Variants in WDR89 observed in about 807,000 individuals in gnomAD.
WDR89 encodes WD repeat domain 89, also known as WD repeat-containing protein 89.
A neutral mutation model predicts 29.1 loss-of-function variants in WDR89; 17 were observed. The ratio of observed to expected loss-of-function variants is 0.58; its 90% CI spans 0.40 to 0.88. The LOEUF (loss-of-function observed/expected upper bound fraction) is 0.88, where lower values mean the gene tolerates loss of function less well. WDR89 is among the 40% of genes least tolerant of loss of function. The pLI, the probability that WDR89 is intolerant of heterozygous loss-of-function variation, is 0.00. For synonymous variants in WDR89, 138 were observed against 157.8 expected (o/e 0.87, Z 0.94); for missense variants, 396 against 456.3 (o/e 0.87, Z 1.20).
chr14:63,637,198 G>A (rs921486866), intron 1 of WDR89, among the ~76,000 whole-genome samples: 2 of 152,074 alleles, frequency 1.3e-5, no homozygotes, highest in African/African-American at 2.4e-5. Flanking sequence ...AATGCAAATC[G>A]AAACCACAAT....
chr14:63,623,929 T>A (rs966185009), intron 2 of WDR89, among the ~76,000 whole-genome samples: 3 of 151,800 alleles, frequency 2.0e-5, no homozygotes, highest in Admixed American at 6.6e-5. Context: ...ATGCAAATAT[T>A]AATAAAAAGA....
At chr14:63,625,223 T>C (rs1002010788) in intron 1 of WDR89, among the ~76,000 whole-genome samples, 190 bp from the exon 2 acceptor site, 2 of 152,226 alleles carry the variant, frequency 1.3e-5, no homozygotes, top group African/African-American at 4.8e-5. Context: ...ATATATTGTA[T>C]GATTCCATTT....
intron 2 of WDR89, among the ~76,000 whole-genome samples, chr14:63,602,460 C>T (rs1197368026): frequency 7.0e-5 from 6 of 86,056 alleles, no homozygotes; most frequent in Admixed American, 1.4e-4. Flanking sequence ...GAGATTCCTA[C>T]TCAAAAAAAA....
chr14:63,617,814 C>T (rs1882415683), intron 2 of WDR89, among the ~76,000 whole-genome samples: 1 of 152,100 alleles, frequency 6.6e-6, no homozygotes, highest in South Asian at 2.1e-4. Flanking sequence ...AAAAAACATG[C>T]AACTGGTACA....
chr14:63,620,484 T>C (rs929065574), intron 2 of WDR89, among the ~76,000 whole-genome samples: 1 of 152,020 alleles, frequency 6.6e-6, no homozygotes, highest in Non-Finnish European at 1.5e-5. Flanking sequence ...ATCAGGGAGA[T>C]GTCGATCAAA....
intron 1 of WDR89, among the ~76,000 whole-genome samples, chr14:63,627,351 AAC>A (rs371625648): frequency 7.0e-4 from 106 of 152,326 alleles, no homozygotes; most frequent in African/African-American, 2.4e-3. Flanking sequence ...AAAAAAACCT[AAC>A]AGCCTGAATA....
At chr14:63,640,658 G>C (rs374359645) in intron 1 of WDR89, among the ~76,000 whole-genome samples, 20 of 151,676 alleles carry the variant, frequency 1.3e-4, no homozygotes, top group African/African-American at 3.1e-4. Flanking sequence ...TGCATTCGTA[G>C]TAGAGACGGG....
chr14:63,625,924 G>A (rs997534601), intron 1 of WDR89, among the ~76,000 whole-genome samples: 9 of 150,958 alleles, frequency 6.0e-5, no homozygotes, highest in African/African-American at 2.4e-5. Context: ...CGTGATCTCA[G>A]CTCACTGCAA....
chr14:63,614,396 C>T (rs1232267982), intron 2 of WDR89, among the ~76,000 whole-genome samples: 3 of 151,678 alleles, frequency 2.0e-5, no homozygotes, highest in Non-Finnish European at 4.4e-5. Flanking sequence ...CAGCCTTGAC[C>T]TCCCTGGCTC....
intron 2 of WDR89, among the ~76,000 whole-genome samples, chr14:63,602,141 G>A (rs1895092586): frequency 6.6e-6 from 1 of 152,148 alleles, no homozygotes; most frequent in Non-Finnish European, 1.5e-5. Flanking sequence ...TGCATGCCAT[G>A]TGTTCTGCAC....
intron 1 of WDR89, among the ~76,000 whole-genome samples, chr14:63,636,310 G>T (rs900860282): frequency 3.3e-5 from 5 of 152,218 alleles, no homozygotes; most frequent in African/African-American, 1.2e-4. Context: ...TGGACGGGTA[G>T]AATCAGTATT....
At position 63,600,717 on chromosome 14, in the gene WDR89, CAAAAAAAAAAAAAAAAAAAAAAAAA is replaced by C. The variant is rs56059698; in HGVS notation, c.-31-769_-31-745del. Among the ~76,000 whole-genome samples, 8 of 36,208 alleles carry C rather than the reference CAAAAAAAAAAAAAAAAAAAAAAAAA, an allele frequency of 2.2e-4. 1 individual carries two copies. The highest frequency in any genetic ancestry group is 1.1e-3 in the Admixed American group (2 of 1,744). The allele number at this position is 36,208 out of a possible 152,430, so 23.8% of individuals were successfully genotyped here. A position where few individuals can be genotyped will look rare whatever the true frequency, so the allele number is the denominator to read the frequency against. On this transcript the variant is annotated intron_variant, in intron 2 of 2. Transcript: ENST00000620954. ...TAGAATTTAAACATAGATATGTAGG[CAAAAAAAAAAAAAAAAAAAAAAAAA>C]AAAAAAAAAAAAGGTTTCCCAAAAA...
In WDR89 at chr14:63,601,757, T is replaced by C. The variant is rs144096477; in HGVS notation, c.-31-1784A>G. ...ATGGAGGCACCAAAGTAGTTCTAGA[T>C]GACAAGGATTATTTCCTATTTAGAG... On this transcript the variant is annotated intron_variant, in intron 2 of 2. Coordinates refer to ENST00000620954, the MANE Select transcript of WDR89 (RefSeq NM_080666.4). The C allele has an allele frequency of 9.3e-4, 1,239 of 1,338,982 alleles. 10 individuals are homozygous for C. The African/African-American group carries it at 0.016, about 17-fold the overall frequency. The allele number at this position is 1,338,982 out of a possible 1,614,324, so 82.9% of individuals were successfully genotyped here.
chr14:63,628,938 CA>C (rs145439068), intron 1 of WDR89, among the ~76,000 whole-genome samples: 4 of 139,732 alleles, frequency 2.9e-5, no homozygotes, highest in South Asian at 2.2e-4. Flanking sequence ...GACCCTGTCT[CA>C]AAAAAAAAAC....
At chr14:63,613,121 T>C (rs1241026109) in intron 2 of WDR89, among the ~76,000 whole-genome samples, 4 of 152,202 alleles carry the variant, frequency 2.6e-5, no homozygotes, top group African/African-American at 9.6e-5. Flanking sequence ...GAAGACTCCT[T>C]GGTCCTACAG....
chr14:63,617,580 G>A (rs1467307843), intron 2 of WDR89, among the ~76,000 whole-genome samples: 1 of 151,828 alleles, frequency 6.6e-6, no homozygotes, highest in Non-Finnish European at 1.5e-5. Context: ...AACCTCCCAG[G>A]TTCAAGCGAT....
intron 2 of WDR89, among the ~76,000 whole-genome samples, chr14:63,609,121 A>C (rs78199901): frequency 4.0e-5 from 6 of 148,408 alleles, no homozygotes; most frequent in East Asian, 3.9e-4. Flanking sequence ...AAAAAAAAAA[A>C]CCCAAAAAAA....
chr14:63,634,077 T>C (rs1004905885), intron 1 of WDR89, among the ~76,000 whole-genome samples: 3 of 152,194 alleles, frequency 2.0e-5, no homozygotes, highest in African/African-American at 7.2e-5. Flanking sequence ...GAAAGATGTT[T>C]ACCATATTAA....
At chr14:63,620,757 G>A (rs568707167) in intron 2 of WDR89, among the ~76,000 whole-genome samples, 14 of 151,990 alleles carry the variant, frequency 9.2e-5, no homozygotes, top group African/African-American at 3.1e-4. Flanking sequence ...AATTAGCTGG[G>A]CATGGTGGCA....
Sources: gnomAD v4.1 joint callset for allele counts (sites outside exome capture counted in the v4.1 genomes callset) on GRCh38, gnomAD v4.1.1 for gene constraint, MANE v1.5 for transcripts, NCBI Gene and HGNC (gene_info 2026-07-23, HGNC 2026-07-21) for gene names.